TRABD2B: variants seen among roughly 807,000 people sequenced by gnomAD.
TRABD2B encodes the protein TraB domain containing 2B, also known as metalloprotease TIKI2.
In TRABD2B, 14 loss-of-function variants were observed where a neutral mutation model predicts 40.1. That is an observed-to-expected ratio of 0.35 (90% confidence interval 0.23 to 0.55). The LOEUF (loss-of-function observed/expected upper bound fraction) is 0.55, where lower values mean the gene tolerates loss of function less well. TRABD2B is among the 20% of genes least tolerant of loss of function. TRABD2B has a pLI of 0.90. For synonymous variants in TRABD2B, 263 were observed against 277.0 expected, an observed-to-expected ratio of 0.95 and a Z score of 0.50; for missense variants, 541 against 648.6, an observed-to-expected ratio of 0.83 and a Z score of 1.80.
intron 2 of TRABD2B, among the ~76,000 whole-genome samples, chr1:47,842,868 T>TAA (rs1253505001): frequency 6.6e-6 from 1 of 151,948 alleles, no homozygotes; most frequent in Non-Finnish European, 1.5e-5. Flanking sequence ...TAAAGCAAAG[T>TAA]AAGGGAGGTG....
chr1:47,873,234 G>A lies in TRABD2B; in HGVS notation c.667-71615C>T, dbSNP rs138810929. On this transcript the variant is annotated intron_variant, in intron 2 of 6. Coordinates refer to ENST00000606738, the MANE Select transcript of TRABD2B (RefSeq NM_001194986.2). ...ACCTTGAAGGTCAAGATTTCAACAT[G>A]TGAATTTTGGGGGGATAGAAACATC... 4.7e-3 allele frequency among the ~76,000 whole-genome samples: 721 copies of A among 152,266 alleles called. 4 individuals are homozygous for A. Among genetic ancestry groups the A allele is most frequent in the South Asian group, 0.016 (77 of 4,830 alleles).
At chr1:47,816,968 C>T (rs184279912) in intron 2 of TRABD2B, among the ~76,000 whole-genome samples, 1 of 152,162 alleles carries the variant, frequency 6.6e-6, no homozygotes, top group Admixed American at 6.5e-5. Context: ...CAGTCATCTA[C>T]CGACTTCTCT....
Position 47,775,293 on chromosome 1 carries a change from A to G in TRABD2B, c.1226T>C (p.Leu409Pro). 1 of 1,252,346 alleles carries G rather than the reference A, an allele frequency of 8.0e-7. No individual in the cohort carries two copies. Among genetic ancestry groups the G allele is most frequent in the South Asian group, 3.3e-5 (1 of 30,728 alleles). 77.6% of individuals were successfully genotyped at this position (1,252,346 alleles called of 1,614,324 possible). Residue 409 changes from leucine to proline, a missense_variant, in exon 6 of 7, where the codon CTC (leucine) becomes CCC (proline). Around this residue, in one of 2 missense-constraint regions of TRABD2B, gnomAD observed 172 missense variants for 155.8 expected, o/e 1.10. Coordinates refer to ENST00000606738, the MANE Select transcript of TRABD2B (RefSeq NM_001194986.2). ...EDEDPALSPHLLLPDSLSQLE... is the reference protein window; with the variant it reads ...EDEDPALSPHPLLPDSLSQLE... ...CTGGCTGAGGCTGTCGGGGAGCAGG[A>G]GGTGTGGGGACAGGGCTGGATCCTC... is the stretch of plus-strand genomic sequence containing the variant.
In TRABD2B at chr1:47,996,112, T is replaced by G. The variant is rs1001505205; in HGVS notation, c.102+576A>C. Among the ~76,000 whole-genome samples the G allele has an allele frequency of 6.6e-6, 1 of 152,164 alleles. No individual in the cohort carries two copies. Among genetic ancestry groups the G allele is most frequent in the Non-Finnish European group, 1.5e-5 (1 of 68,026 alleles). On this transcript the variant is annotated intron_variant, in intron 1 of 6. Coordinates refer to ENST00000606738, the MANE Select transcript of TRABD2B (RefSeq NM_001194986.2). The surrounding 1 kb of genome is among the most constrained non-coding windows in gnomAD (Gnocchi z 4.6). ...TTGCCTTTTCCTCTCCTCTGAAATC[T>G]TCCCTCTTTTCACGAAATATGGACG...
chr1:47,870,381 A>G (rs1644123039), intron 2 of TRABD2B, among the ~76,000 whole-genome samples: 2 of 152,152 alleles, frequency 1.3e-5, no homozygotes, highest in Non-Finnish European at 2.9e-5. Context: ...AACAGTTTAC[A>G]CCTATGAAGC....
In TRABD2B at chr1:47,870,783, G is replaced by T. The variant is rs141459069; in HGVS notation, c.667-69164C>A. 3.9e-5 allele frequency among the ~76,000 whole-genome samples: 6 copies of T among 152,320 alleles called. No individual in the cohort carries two copies. In the South Asian group the frequency reaches 8.3e-4, roughly 21 times the overall value. ...GGGAACAAAGTGCAGCAGGAAGCCT[G>T]ACTGGGATGTGATGCACTCTTAAAC... On this transcript the variant is annotated intron_variant, in intron 2 of 6. Transcript: ENST00000606738.
At chr1:47,815,898 T>C (rs1044335668) in intron 2 of TRABD2B, among the ~76,000 whole-genome samples, 7 of 152,152 alleles carry the variant, frequency 4.6e-5, no homozygotes, top group Admixed American at 3.3e-4. Context: ...ATCCCAGCCA[T>C]CAAGAGACCC....
chr1:47,856,209 T>C (rs1643888382), intron 2 of TRABD2B, among the ~76,000 whole-genome samples: 2 of 152,262 alleles, frequency 1.3e-5, no homozygotes, highest in Non-Finnish European at 2.9e-5. Context: ...GCAGGACCCC[T>C]GCCTGCTTCC....
chr1:47,840,131 C>G (rs1256314973), intron 2 of TRABD2B, among the ~76,000 whole-genome samples: 1 of 152,106 alleles, frequency 6.6e-6, no homozygotes, highest in East Asian at 1.9e-4. Context: ...TGGACCAGGA[C>G]CATGAGTCCT....
At chr1:47,858,209 T>C (rs868212836) in intron 2 of TRABD2B, among the ~76,000 whole-genome samples, 2 of 386 alleles carry the variant, frequency 5.2e-3, no homozygotes, top group Admixed American at 0.042. Context: ...TTTTACTTTA[T>C]TTTATTTTAT....
chr1:47,795,661 T>C (rs1288573018), intron 3 of TRABD2B: 1 of 985,244 alleles, frequency 1.0e-6, no homozygotes, highest in Non-Finnish European at 1.2e-6. Context: ...TGTCATGGGC[T>C]ACATTCAGCA....
chr1:47,859,837 T>C (rs1309247929), intron 2 of TRABD2B, among the ~76,000 whole-genome samples: 4 of 152,226 alleles, frequency 2.6e-5, no homozygotes, highest in Non-Finnish European at 5.9e-5. Context: ...TGTATAATAA[T>C]GATCACTCCT....
intron 4 of TRABD2B, among the ~76,000 whole-genome samples, chr1:47,790,189 G>A (rs1644652079): frequency 6.6e-6 from 1 of 152,178 alleles, no homozygotes; most frequent in South Asian, 2.1e-4. Flanking sequence ...TTGTACCAGA[G>A]GAAACCCAAG....
At chr1:47,864,392 G>A (rs1000396887) in intron 2 of TRABD2B, among the ~76,000 whole-genome samples, 2 of 151,940 alleles carry the variant, frequency 1.3e-5, no homozygotes, top group Admixed American at 1.3e-4. Context: ...GGGATGCTGT[G>A]CACATGTTGG....
At chr1:47,966,763 G>C (rs1416514877) in intron 2 of TRABD2B, among the ~76,000 whole-genome samples, 3 of 151,912 alleles carry the variant, frequency 2.0e-5, no homozygotes, top group Admixed American at 6.6e-5. Flanking sequence ...AAATTAGCCA[G>C]GTGTGGTGGC....
At chr1:47,928,620 T>C (rs973593420) in intron 2 of TRABD2B, among the ~76,000 whole-genome samples, 1 of 152,246 alleles carries the variant, frequency 6.6e-6, no homozygotes, top group African/African-American at 2.4e-5. Flanking sequence ...GCTCTTAAAG[T>C]CTAGACTGAC....
intron 2 of TRABD2B, among the ~76,000 whole-genome samples, chr1:47,959,791 G>A (rs1489035960): frequency 1.3e-5 from 2 of 152,100 alleles, no homozygotes; most frequent in Non-Finnish European, 2.9e-5. Context: ...GTACAAAGAG[G>A]AGCTGGTACC....
intron 2 of TRABD2B, chr1:47,819,438 G>C (rs1645077529): frequency 6.6e-6 from 1 of 152,222 alleles, no homozygotes; most frequent in African/African-American, 2.4e-5. Context: ...AGCCGCCTGA[G>C]GTCCCCAGGA....
chr1:47,779,994 G>A (rs1047761031), intron 4 of TRABD2B, among the ~76,000 whole-genome samples: 1 of 152,150 alleles, frequency 6.6e-6, no homozygotes, highest in Non-Finnish European at 1.5e-5. Context: ...CTGCTGTCTT[G>A]CCCCACCAGC....
Sources: allele counts gnomAD v4.1 joint callset (sites outside exome capture counted in the v4.1 genomes callset), GRCh38; gene constraint gnomAD v4.1.1; regional missense constraint gnomAD v4.1.1; non-coding constraint Gnocchi (gnomAD v3.1); transcripts MANE v1.5; gene names NCBI Gene and HGNC (gene_info 2026-07-23, HGNC 2026-07-21).